Variants in FER observed in about 807,000 individuals in gnomAD.
FER encodes FER tyrosine kinase, also known as tyrosine-protein kinase Fer.
In FER, 63 loss-of-function variants were observed where a neutral mutation model predicts 111.0. That is an observed-to-expected ratio of 0.57 (90% CI 0.46 to 0.70). FER has a LOEUF of 0.70. Among genes scored for constraint, FER ranks in the 30% least tolerant of loss-of-function variants. FER has a pLI of 0.00. For synonymous variants in FER, 327 were observed against 313.9 expected, an observed-to-expected ratio of 1.04 and a Z score of -0.44; for missense variants, 914 against 954.0, an observed-to-expected ratio of 0.96 and a Z score of 0.55.
chr5:108,977,010 G>A (rs1024214007), intron 13 of FER, among the ~76,000 whole-genome samples: 1 of 152,176 alleles, frequency 6.6e-6, no homozygotes, highest in Non-Finnish European at 1.5e-5. Flanking sequence ...AACCACAAGA[G>A]ATCACTTTTT....
intron 17 of FER, among the ~76,000 whole-genome samples, chr5:109,118,488 C>G (rs919547353): frequency 1.5e-4 from 23 of 152,222 alleles, no homozygotes; most frequent in South Asian, 4.1e-4. Context: ...GTGTCTCTGC[C>G]AGGCTTTGGT....
At chr5:109,140,163 A>G (rs1753373397) in intron 17 of FER, among the ~76,000 whole-genome samples, 1 of 152,206 alleles carries the variant, frequency 6.6e-6, no homozygotes, top group South Asian at 2.1e-4. Context: ...TATTATATTA[A>G]AAATTGATTA....
At chr5:108,804,020 G>T (rs1235315642) in intron 3 of FER, among the ~76,000 whole-genome samples, 1 of 152,134 alleles carries the variant, frequency 6.6e-6, no homozygotes, top group Non-Finnish European at 1.5e-5. Context: ...GCAGTGTCTT[G>T]TAGTGCTTCT....
chr5:108,861,761 A>G (rs1241623535), intron 5 of FER, among the ~76,000 whole-genome samples: 2 of 152,176 alleles, frequency 1.3e-5, no homozygotes, highest in Admixed American at 1.3e-4. Flanking sequence ...TATTTTTTGC[A>G]ATAATTTTGT....
At chr5:108,820,394 G>T (rs1350323626) in intron 3 of FER, 1 of 985,272 alleles carries the variant, frequency 1.0e-6, no homozygotes, top group African/African-American at 1.7e-5. Context: ...AAGAATAAAG[G>T]TGACTATGGC....
At chr5:108,841,589 A>G (rs1432224395) in intron 5 of FER, among the ~76,000 whole-genome samples, 1 of 152,202 alleles carries the variant, frequency 6.6e-6, no homozygotes, top group Admixed American at 6.5e-5. Flanking sequence ...CCCTTTGACT[A>G]TCATCAATGC....
intron 16 of FER, among the ~76,000 whole-genome samples, chr5:109,077,012 G>C (rs1239631325): frequency 2.6e-5 from 4 of 152,176 alleles, no homozygotes; most frequent in Non-Finnish European, 4.4e-5. Context: ...AATCAGGCCA[G>C]TCTTCTTCAC....
In FER at chr5:108,882,757, C is replaced by T. The variant is rs573896550; in HGVS notation, c.924-639C>T. 3.3e-5 allele frequency among the ~76,000 whole-genome samples: 5 copies of T among 151,666 alleles called. No individual in the cohort carries two copies. In the East Asian group the frequency reaches 5.8e-4, roughly 18 times the overall value. On this transcript the variant is annotated intron_variant, in intron 8 of 19. Transcript: ENST00000281092. Reference sequence around the variant, plus strand: ...AAAAATTTTAAAGTGATATGATAGCCATGTATGTTTTTGTGGTAGAAATAC... The same window carrying T: ...AAAAATTTTAAAGTGATATGATAGCTATGTATGTTTTTGTGGTAGAAATAC...
intron 3 of FER, among the ~76,000 whole-genome samples, chr5:108,811,639 A>C (rs752609817): frequency 6.6e-6 from 1 of 152,124 alleles, no homozygotes; most frequent in Non-Finnish European, 1.5e-5. Flanking sequence ...AGATATATAT[A>C]TATGATTTAT....
intron 10 of FER, among the ~76,000 whole-genome samples, chr5:108,932,267 C>G (rs1031265600): frequency 2.0e-5 from 3 of 152,024 alleles, no homozygotes; most frequent in Non-Finnish European, 4.4e-5. Context: ...TGAGAACATG[C>G]GGTGTTTGGT....
chr5:108,961,895 G>A (rs1405836111), intron 13 of FER, among the ~76,000 whole-genome samples: 2 of 152,090 alleles, frequency 1.3e-5, no homozygotes, highest in African/African-American at 4.8e-5. Flanking sequence ...ATTATATAAT[G>A]TGCTGTAAAA....
chr5:108,899,640 A>G (rs1042950685), intron 10 of FER, among the ~76,000 whole-genome samples: 7 of 150,970 alleles, frequency 4.6e-5, no homozygotes, highest in Admixed American at 2.0e-4. Context: ...CTACTAAAAT[A>G]CAAAAAAAAA....
intron 17 of FER, among the ~76,000 whole-genome samples, chr5:109,170,901 G>T (rs1230353839): frequency 6.6e-6 from 1 of 152,140 alleles, no homozygotes; most frequent in Non-Finnish European, 1.5e-5. Context: ...GGAAGACAGT[G>T]CCTTTAACCT....
At chr5:108,801,496 A>G (rs1309997735) in intron 3 of FER, among the ~76,000 whole-genome samples, 1 of 152,228 alleles carries the variant, frequency 6.6e-6, no homozygotes, top group Non-Finnish European at 1.5e-5. Flanking sequence ...AGCTGTGGAT[A>G]GTACTGAACG....
At chr5:108,977,799 G>T (rs369449127) in intron 13 of FER, among the ~76,000 whole-genome samples, 15 of 152,192 alleles carry the variant, frequency 9.9e-5, no homozygotes, top group Middle Eastern at 3.4e-3. Flanking sequence ...CTCAGCTGAG[G>T]CCTTCAGCAA....
intron 13 of FER, among the ~76,000 whole-genome samples, chr5:108,982,449 C>G (rs769710812): frequency 6.6e-6 from 1 of 152,012 alleles, no homozygotes; most frequent in Non-Finnish European, 1.5e-5. Context: ...TTAATCATCT[C>G]CAAGCATCCT....
intron 2 of FER, among the ~76,000 whole-genome samples, chr5:108,789,653 C>T (rs1350318826): frequency 6.6e-6 from 1 of 151,516 alleles, no homozygotes; most frequent in Non-Finnish European, 1.5e-5. Flanking sequence ...TTCTGTTGCC[C>T]TGGCTGGAGT....
intron 16 of FER, among the ~76,000 whole-genome samples, chr5:109,083,813 A>G (rs1276513090): frequency 6.6e-6 from 1 of 152,108 alleles, no homozygotes; most frequent in Middle Eastern, 3.4e-3. Flanking sequence ...CAGGCATCCC[A>G]GACTCAAAGA....
chr5:109,109,883 A>T (rs1749391520), intron 17 of FER, among the ~76,000 whole-genome samples: 1 of 152,132 alleles, frequency 6.6e-6, no homozygotes, highest in South Asian at 2.1e-4. Flanking sequence ...CTTGCTAATT[A>T]TACTCCCATT....
Sources: gnomAD v4.1 joint callset for allele counts (sites outside exome capture counted in the v4.1 genomes callset) on GRCh38, gnomAD v4.1.1 for gene constraint, MANE v1.5 for transcripts, NCBI Gene and HGNC (gene_info 2026-07-23, HGNC 2026-07-21) for gene names.